Variants in PRKN observed in about 807,000 individuals in gnomAD.
PRKN encodes the protein parkin RBR E3 ubiquitin protein ligase.
In PRKN, 56 loss-of-function variants were observed where a neutral mutation model predicts 59.5. The observed-to-expected ratio is 0.94, with a 90% CI of 0.76 to 1.18. PRKN has a LOEUF of 1.18. Ranked by LOEUF, PRKN falls within the 50% of genes most tolerant of loss-of-function variation. The pLI is 0.00. For synonymous variants in PRKN, 250 were observed against 222.1 expected (o/e 1.13, Z -1.12); for missense variants, 657 against 596.4 (o/e 1.10, Z -1.06).
At chr6:162,035,116 G>C (rs1783788762) in intron 5 of PRKN, among the ~76,000 whole-genome samples, 1 of 151,874 alleles carries the variant, frequency 6.6e-6, no homozygotes, top group South Asian at 2.1e-4. Context: ...GGCAGGAAGA[G>C]AAAGACAGAC....
chr6:161,450,000 T>C (rs1336730729), intron 9 of PRKN, among the ~76,000 whole-genome samples: 3 of 152,198 alleles, frequency 2.0e-5, no homozygotes, highest in Non-Finnish European at 2.9e-5. Flanking sequence ...AGCTGCCTCA[T>C]AGCTTTGGCT....
At chr6:161,601,668 C>T (rs1015168655) in intron 7 of PRKN, among the ~76,000 whole-genome samples, 3 of 151,464 alleles carry the variant, frequency 2.0e-5, no homozygotes, top group Non-Finnish European at 4.4e-5. Context: ...CTGCAAGCTC[C>T]GCCTCCCAGG....
chr6:162,544,483 G>A (rs185041292), intron 1 of PRKN, among the ~76,000 whole-genome samples: 14 of 152,122 alleles, frequency 9.2e-5, no homozygotes, highest in African/African-American at 2.2e-4. Context: ...TTTATTTGAC[G>A]TTGCAGACTT....
At chr6:162,129,124 T>C (rs569527193) in intron 4 of PRKN, among the ~76,000 whole-genome samples, 8 of 152,326 alleles carry the variant, frequency 5.3e-5, no homozygotes, top group African/African-American at 1.9e-4. Context: ...AACCACAGGC[T>C]ACAAAAATTC....
At chr6:162,595,834 T>A (rs1483452460) in intron 1 of PRKN, among the ~76,000 whole-genome samples, 1 of 152,166 alleles carries the variant, frequency 6.6e-6, no homozygotes, top group Non-Finnish European at 1.5e-5. Flanking sequence ...TTACTAATGC[T>A]AATGTTAATG....
At position 161,445,485 on chromosome 6, in the gene PRKN, G is replaced by A. The variant is rs924145624; in HGVS notation, c.1084-58608C>T. 6.6e-6 allele frequency among the ~76,000 whole-genome samples: 1 copy of A among 152,180 alleles called. No homozygotes were observed. The highest frequency in any genetic ancestry group is 2.4e-5 in the African/African-American group (1 of 41,444). ...CCTCTGAGTGGAATAAGGGAAGACT[G>A]TCCTTTCTCCAAGCTTGAAGGAAGA... On this transcript the variant is annotated intron_variant, in intron 9 of 11. Coordinates refer to ENST00000366898, the MANE Select transcript of PRKN (RefSeq NM_004562.3). The surrounding 1 kb of genome is among the most constrained non-coding windows in gnomAD (Gnocchi z 7.7).
chr6:162,326,776 A>G (rs1489577455), intron 2 of PRKN, among the ~76,000 whole-genome samples: 1 of 152,204 alleles, frequency 6.6e-6, no homozygotes, highest in Non-Finnish European at 1.5e-5. Flanking sequence ...ACACTAGCAT[A>G]GATTTAAATA....
intron 1 of PRKN, among the ~76,000 whole-genome samples, chr6:162,454,349 C>T (rs931682978): frequency 2.0e-5 from 3 of 152,122 alleles, no homozygotes; most frequent in Non-Finnish European, 4.4e-5. Flanking sequence ...TCTAAAGTGT[C>T]GTTAGTATAC....
intron 2 of PRKN, among the ~76,000 whole-genome samples, chr6:162,302,963 TACACACACACACACACAC>T (rs71004084): frequency 1.4e-5 from 2 of 139,494 alleles, no homozygotes; most frequent in South Asian, 2.3e-4. Context: ...GCCTTAAACA[TACACACACACACACACAC>T]ACACACACAC....
At chr6:161,749,048 AG>A (rs769022771) in intron 7 of PRKN, among the ~76,000 whole-genome samples, 8 of 152,238 alleles carry the variant, frequency 5.3e-5, no homozygotes, top group East Asian at 1.9e-4. Context: ...AACCAAGGGG[AG>A]GGGGTCCTTG....
At chr6:162,339,718 T>C (rs1230126762) in intron 2 of PRKN, among the ~76,000 whole-genome samples, 8 of 152,052 alleles carry the variant, frequency 5.3e-5, no homozygotes, top group African/African-American at 7.2e-5. Flanking sequence ...TGGGAAAAGA[T>C]TGAGAAATCG....
rs111595639 is a variant in PRKN, at chr6:162,024,194, C to CTTTT, written c.618+29893_618+29896dup. Reference sequence around the variant, plus strand: ...CCCTTCCTCCCTCCCTCCCCCAACCCTTTTTTTTTTTTTTTTTTTTTTTGA... The same window carrying CTTTT: ...CCCTTCCTCCCTCCCTCCCCCAACCCTTTTTTTTTTTTTTTTTTTTTTTTTTTGA... On this transcript the variant is annotated intron_variant, in intron 5 of 11. Transcript: ENST00000366898. Among the ~76,000 whole-genome samples the CTTTT allele has an allele frequency of 3.6e-3, 294 of 82,076 alleles. 9 individuals carry two copies. Among genetic ancestry groups the CTTTT allele is most frequent in the African/African-American group, 9.7e-3 (193 of 19,886 alleles). 53.8% of individuals were successfully genotyped at this position (82,076 alleles called of 152,430 possible).
intron 3 of PRKN, among the ~76,000 whole-genome samples, chr6:162,235,419 T>C (rs1325448855): frequency 6.6e-6 from 1 of 152,226 alleles, no homozygotes; most frequent in Non-Finnish European, 1.5e-5. Flanking sequence ...AATGATGTTA[T>C]AGCTATCTAC....
chr6:162,015,185 G>C (rs1330501173), intron 5 of PRKN, among the ~76,000 whole-genome samples: 1 of 152,114 alleles, frequency 6.6e-6, no homozygotes, highest in Non-Finnish European at 1.5e-5. Context: ...TTGACTGTGA[G>C]TTCTGAAATG....
chr6:161,572,052 T>C (rs551935018), intron 7 of PRKN, among the ~76,000 whole-genome samples: 3 of 152,266 alleles, frequency 2.0e-5, no homozygotes, highest in Admixed American at 6.5e-5. Context: ...AGATGGCAGA[T>C]TGCAGGACTG....
rs924843336 is a variant in PRKN, at chr6:161,593,099, A to G, written c.872-23683T>C. Among the ~76,000 whole-genome samples the G allele has an allele frequency of 6.6e-6, 1 of 152,216 alleles. No homozygotes were observed. Among genetic ancestry groups the G allele is most frequent in the Non-Finnish European group, 1.5e-5 (1 of 68,040 alleles). On this transcript the variant is annotated intron_variant, in intron 7 of 11. Transcript: ENST00000366898. This position sits in a 1 kb window ranked among gnomAD's most constrained non-coding sequence, Gnocchi z 4.8. ...GCTGCTGTTAACATCCTACATAACC[A>G]GGCCATCTTCCCATAATCCTCTATA...
At chr6:161,804,495 C>A (rs1250776459) in intron 6 of PRKN, among the ~76,000 whole-genome samples, 2 of 152,172 alleles carry the variant, frequency 1.3e-5, no homozygotes, top group Non-Finnish European at 2.9e-5. Context: ...CCTCTGAACT[C>A]CCTCTCCATC....
chr6:162,609,305 C>T (rs1782044003), intron 1 of PRKN, among the ~76,000 whole-genome samples: 1 of 152,178 alleles, frequency 6.6e-6, no homozygotes. Context: ...TAGACTGATT[C>T]ACTGCAGACC....
intron 1 of PRKN, among the ~76,000 whole-genome samples, chr6:162,669,823 T>G (rs2128229988): frequency 6.6e-6 from 1 of 152,284 alleles, no homozygotes; most frequent in East Asian, 1.9e-4. Context: ...TCCAATCTTG[T>G]AAGAGATTAT....
Sources: gnomAD v4.1 joint callset for allele counts (sites outside exome capture counted in the v4.1 genomes callset) on GRCh38, gnomAD v4.1.1 for gene constraint, Gnocchi (gnomAD v3.1) non-coding constraint, MANE v1.5 for transcripts, NCBI Gene and HGNC (gene_info 2026-07-23, HGNC 2026-07-21) for gene names.